Variants in SEL1L observed in about 807,000 individuals in gnomAD.
SEL1L encodes the protein SEL1L adaptor subunit of SYVN1 ubiquitin ligase.
SEL1L carries 52 observed loss-of-function variants against 109.8 expected under a neutral mutation model. The observed-to-expected ratio is 0.47, with a 90% CI of 0.38 to 0.60. SEL1L has a LOEUF of 0.60. Ranked by LOEUF, SEL1L falls within the 20% of genes least tolerant of loss-of-function variation. The probability of loss-of-function intolerance (pLI) is 0.00; values close to 1 mark genes in which losing one functional copy is unlikely to be tolerated. For missense variants in SEL1L, 749 were observed against 962.2 expected (o/e 0.78, Z 2.93); for synonymous variants, 373 against 339.6 (o/e 1.10, Z -1.08).
At chr14:81,532,496 A>G (rs1885366275) in intron 1 of SEL1L, among the ~76,000 whole-genome samples, 1 of 152,214 alleles carries the variant, frequency 6.6e-6, no homozygotes, top group Non-Finnish European at 1.5e-5. Flanking sequence ...AACTCAAACC[A>G]TCACTACTAC....
At chr14:81,488,230 A>C (rs1883395406) in intron 14 of SEL1L, among the ~76,000 whole-genome samples, 1 of 152,222 alleles carries the variant, frequency 6.6e-6, no homozygotes, top group Non-Finnish European at 1.5e-5. Flanking sequence ...ATTAAGAAAC[A>C]GTCAATCTTC....
intron 5 of SEL1L, 32 bp from the exon 6 acceptor site, chr14:81,502,915 G>T: frequency 6.5e-7 from 1 of 1,544,814 alleles, no homozygotes; most frequent in Non-Finnish European, 8.8e-7. Flanking sequence ...AACCAAATTA[G>T]TAATGTTTTG....
chr14:81,525,900 TGA>T (rs1885091831), intron 3 of SEL1L, among the ~76,000 whole-genome samples: 1 of 152,218 alleles, frequency 6.6e-6, no homozygotes, highest in Admixed American at 6.5e-5. Context: ...AAAAAAATCC[TGA>T]GAGAATATTC....
intron 6 of SEL1L, among the ~76,000 whole-genome samples, chr14:81,502,136 GA>G (rs1884038191): frequency 6.6e-6 from 1 of 152,018 alleles, no homozygotes; most frequent in African/African-American, 2.4e-5. Context: ...GTGCTGGGAT[GA>G]AAAGGTGAAG....
intron 3 of SEL1L, among the ~76,000 whole-genome samples, chr14:81,516,877 TCCC>T (rs997275031): frequency 6.6e-6 from 1 of 151,994 alleles, no homozygotes; most frequent in African/African-American, 2.4e-5. Context: ...CCTCCAGACT[TCCC>T]CCCCATGTAC....
At chr14:81,527,849 T>C (rs994445618) in intron 1 of SEL1L, 111 bp from the exon 2 acceptor site, 4 of 669,694 alleles carry the variant, frequency 6.0e-6, no homozygotes, top group African/African-American at 5.6e-5. Flanking sequence ...ATTGGATAAA[T>C]AAACATAGAA....
At chr14:81,529,675 G>A (rs1004760388) in intron 1 of SEL1L, among the ~76,000 whole-genome samples, 9 of 152,050 alleles carry the variant, frequency 5.9e-5, no homozygotes, top group Non-Finnish European at 1.3e-4. Context: ...CTCTCTCTTC[G>A]CAACCTGGAC....
chr14:81,477,303 ATGTG>A (rs10690579), intron 20 of SEL1L, 122 bp from the exon 21 acceptor site: 16,783 of 539,480 alleles, frequency 0.031, 190 homozygotes, highest in Non-Finnish European at 0.035. Flanking sequence ...ACGTTTTGCA[ATGTG>A]TGTGTGTGTG....
At chr14:81,518,281 T>C (rs1436742704) in intron 3 of SEL1L, among the ~76,000 whole-genome samples, 2 of 151,256 alleles carry the variant, frequency 1.3e-5, no homozygotes, top group Non-Finnish European at 2.9e-5. Flanking sequence ...TAGGCCACAG[T>C]TGTGCTGCAG....
intron 3 of SEL1L, among the ~76,000 whole-genome samples, chr14:81,522,326 G>T (rs573610585): frequency 1.3e-5 from 2 of 152,282 alleles, no homozygotes; most frequent in Non-Finnish European, 2.9e-5. Context: ...CTCACTCACA[G>T]ACTCACCCAC....
rs1903093845 is a variant in SEL1L, at chr14:81,474,259, A to AC, written c.*2712dup. The AC allele has an allele frequency of 1.3e-5, 2 of 151,248 alleles. No homozygotes were observed. Among genetic ancestry groups the AC allele is most frequent in the South Asian group, 2.1e-4 (1 of 4,808 alleles). 9.4% of individuals were successfully genotyped at this position (151,248 alleles called of 1,614,324 possible). On this transcript the variant is annotated 3_prime_UTR_variant, in exon 21 of 21. Transcript: ENST00000336735. ...CACAGAGACAGAAAAAAAAAAAAAA[A>AC]CCCACCAATGCTACCTCTGTAAAAT...
intron 8 of SEL1L, chr14:81,498,735 A>C: frequency 3.1e-5 from 10 of 327,844 alleles, no homozygotes; most frequent in East Asian, 4.9e-5. Flanking sequence ...AATAGATGTC[A>C]TAAACTTTAT....
rs369942373 is a variant in SEL1L, at chr14:81,501,532, G to A, written c.777+1189C>T. 5.3e-5 allele frequency among the ~76,000 whole-genome samples: 8 copies of A among 152,064 alleles called. No homozygotes were observed. The East Asian group carries it at 1.3e-3, about 26-fold the overall frequency. On this transcript the variant is annotated intron_variant, in intron 6 of 20. Transcript: ENST00000336735. ...TATAATCTGCTTATAATAAAATACC[G>A]AGGAAAGAGCTGCAGAATTGTTAGG...
chr14:81,490,557 C>T (rs1883502168), intron 12 of SEL1L, 92 bp from the exon 13 acceptor site: 3 of 967,612 alleles, frequency 3.1e-6, no homozygotes, highest in East Asian at 2.4e-5. Context: ...TTTGTCAGAT[C>T]TCATTAAATC....
rs562094311 is a variant in SEL1L, at chr14:81,524,826, G to A, written c.340+1907C>T. The stretch of plus-strand genomic sequence containing the variant: ...GAGGTGGAGGCTGCAGTAAGCCAAG[G>A]TCATGCCATTGCACTCCAGACTGGG... On this transcript the variant is annotated intron_variant, in intron 3 of 20. Transcript: ENST00000336735. 1.1e-4 allele frequency among the ~76,000 whole-genome samples: 17 copies of A among 152,024 alleles called. No homozygotes were observed. The South Asian group carries it at 3.5e-3, about 32-fold the overall frequency.
At chr14:81,523,013 T>A (rs542094471) in intron 3 of SEL1L, among the ~76,000 whole-genome samples, 18 of 152,198 alleles carry the variant, frequency 1.2e-4, no homozygotes, top group Non-Finnish European at 2.4e-4. Flanking sequence ...GAATTCATAA[T>A]GATGCTTGTG....
At chr14:81,522,792 C>T (rs1884970857) in intron 3 of SEL1L, among the ~76,000 whole-genome samples, 2 of 152,136 alleles carry the variant, frequency 1.3e-5, no homozygotes, top group South Asian at 4.1e-4. Flanking sequence ...ACGCAATCCT[C>T]CTGTTTTACA....
rs142282608 is a variant in SEL1L at position 81,509,412 on chromosome 14, A to G, written c.341-3171T>C. ...AAATCTGACACCGTGAAAGGGAAAA[A>G]TGGGTTCTCAGTTCTGCAGCTTCAT... On this transcript the variant is annotated intron_variant, in intron 3 of 20. Coordinates refer to ENST00000336735, the MANE Select transcript of SEL1L (RefSeq NM_005065.6). 4.3e-4 allele frequency among the ~76,000 whole-genome samples: 65 copies of G among 152,342 alleles called. 1 individual carries two copies. In the East Asian group the frequency reaches 0.012, roughly 28 times the overall value.
chr14:81,520,839 T>C (rs1328845880), intron 3 of SEL1L, among the ~76,000 whole-genome samples: 1 of 152,198 alleles, frequency 6.6e-6, no homozygotes, highest in African/African-American at 2.4e-5. Context: ...ACTATGTAAT[T>C]ATCAAAGAAG....
Sources: gnomAD v4.1 joint callset for allele counts (sites outside exome capture counted in the v4.1 genomes callset) on GRCh38, gnomAD v4.1.1 for gene constraint, MANE v1.5 for transcripts, NCBI Gene and HGNC (gene_info 2026-07-23, HGNC 2026-07-21) for gene names.